The following ITPR2 variants were observed in gnomAD, a reference collection of about 807,000 sequenced individuals.
ITPR2 encodes inositol 1,4,5-trisphosphate receptor type 2.
A neutral mutation model predicts 317.1 loss-of-function variants in ITPR2; 207 were observed. The ratio of observed to expected loss-of-function variants is 0.65; its 90% CI spans 0.58 to 0.73. The LOEUF is 0.73. ITPR2 is among the 30% of genes least tolerant of loss of function. The pLI is 0.00. For missense variants in ITPR2, 2,613 were observed against 3,284.0 expected, an observed-to-expected ratio of 0.80 and a Z score of 4.99; for synonymous variants, 1,156 against 1,149.1, an observed-to-expected ratio of 1.01 and a Z score of -0.12.
intron 26 of ITPR2, among the ~76,000 whole-genome samples, chr12:26,607,534 T>C (rs1413716371): frequency 6.6e-6 from 1 of 152,124 alleles, no homozygotes; most frequent in Non-Finnish European, 1.5e-5. Context: ...TGACCTTGCC[T>C]GGAAAGCTAC....
chr12:26,659,989 A>G (rs1020579508), intron 15 of ITPR2, among the ~76,000 whole-genome samples: 2 of 152,254 alleles, frequency 1.3e-5, no homozygotes, highest in Non-Finnish European at 2.9e-5. Context: ...CATTTGCCCA[A>G]TAAATGTTTC....
chr12:26,616,785 C>T lies in ITPR2; in HGVS notation c.3462+4338G>A, dbSNP rs141089465. Among the ~76,000 whole-genome samples, 202 of 152,180 alleles carry T rather than the reference C, an allele frequency of 1.3e-3. 1 individual carries two copies. In the East Asian group the frequency reaches 0.034, roughly 26 times the overall value. ...CACTTATACACAGATTTTCTTTTAC[C>T]TCTGCCCCCCTTCAGACAGCAAGAC... is the stretch of plus-strand genomic sequence containing the variant. On this transcript the variant is annotated intron_variant, in intron 26 of 56. Transcript: ENST00000381340.
At chr12:26,787,979 C>T (rs1013702339) in intron 2 of ITPR2, among the ~76,000 whole-genome samples, 49 of 139,060 alleles carry the variant, frequency 3.5e-4, no homozygotes, top group Non-Finnish European at 5.4e-4. Context: ...GGTTGGAGTG[C>T]AATGGCGCGA....
chr12:26,688,724 G>C (rs143150620), intron 10 of ITPR2, among the ~76,000 whole-genome samples: 35 of 152,140 alleles, frequency 2.3e-4, no homozygotes, highest in African/African-American at 8.4e-4. Context: ...CTTAAATACT[G>C]TATGAGTCAC....
chr12:26,444,266 G>T (rs1179654887), intron 45 of ITPR2, among the ~76,000 whole-genome samples: 2 of 152,094 alleles, frequency 1.3e-5, no homozygotes, highest in Non-Finnish European at 2.9e-5. Flanking sequence ...TCTCCCATTT[G>T]AATGTCTACA....
chr12:26,789,812 C>T (rs1950312928), intron 2 of ITPR2, among the ~76,000 whole-genome samples: 1 of 152,194 alleles, frequency 6.6e-6, no homozygotes. Context: ...AAAAATCTAA[C>T]AATGCAACAC....
chr12:26,683,810 T>C (rs1565690623), intron 11 of ITPR2, among the ~76,000 whole-genome samples: 1 of 152,242 alleles, frequency 6.6e-6, no homozygotes, highest in African/African-American at 2.4e-5. Flanking sequence ...CCGTTTTTAG[T>C]AAATCTTTTA....
chr12:26,565,448 A>G (rs1944924637), intron 34 of ITPR2, among the ~76,000 whole-genome samples: 1 of 144,460 alleles, frequency 6.9e-6, no homozygotes, highest in Admixed American at 6.9e-5. Context: ...ATAGGAAGGA[A>G]GGGATAAAAA....
chr12:26,659,262 A>G lies in ITPR2; in HGVS notation c.1737T>C (p.Cys579=). The change falls in exon 16 of 57, where the codon TGT becomes TGC. Residue 579 remains cysteine, a synonymous_variant. Transcript: ENST00000381340. ...CATAGCCAATCTGGGACTGCATGACACAGAAATTCTTAGCAATATATTCCT... is the reference window on the plus strand; with the variant it reads ...CATAGCCAATCTGGGACTGCATGACGCAGAAATTCTTAGCAATATATTCCT... The part of the protein sequence containing the change: ...KNQEYIAKNF[C]VMQSQIGYDI... 1 of 1,613,560 alleles carries G rather than the reference A, an allele frequency of 6.2e-7. No individual in the cohort carries two copies. Among genetic ancestry groups the G allele is most frequent in the Non-Finnish European group, 8.5e-7 (1 of 1,179,826 alleles).
chr12:26,359,937 C>G (rs566948315), intron 55 of ITPR2, among the ~76,000 whole-genome samples: 15 of 152,270 alleles, frequency 9.9e-5, no homozygotes, highest in African/African-American at 3.6e-4. Context: ...TCCCAAATAC[C>G]ACTTTCGCCT....
At chr12:26,416,697 C>T (rs1486875125) in intron 50 of ITPR2, among the ~76,000 whole-genome samples, 1 of 152,182 alleles carries the variant, frequency 6.6e-6, no homozygotes, top group Non-Finnish European at 1.5e-5. Context: ...CTGGAAGGAG[C>T]AGCCAGCTTT....
At chr12:26,388,863 C>A (rs927104869) in intron 54 of ITPR2, among the ~76,000 whole-genome samples, 2 of 152,162 alleles carry the variant, frequency 1.3e-5, no homozygotes, top group African/African-American at 2.4e-5. Context: ...AAATAAACTA[C>A]AATTTTCTTC....
At chr12:26,758,717 A>T (rs1462196720) in intron 2 of ITPR2, among the ~76,000 whole-genome samples, 1 of 152,188 alleles carries the variant, frequency 6.6e-6, no homozygotes, top group East Asian at 1.9e-4. Context: ...TACTTGCTGC[A>T]ACTTACATAC....
rs1166575034 is a variant in ITPR2 at position 26,661,130 on chromosome 12, T to C, written c.1714-1845A>G. Among the ~76,000 whole-genome samples, 9 of 151,948 alleles carry C rather than the reference T, an allele frequency of 5.9e-5. No homozygotes were observed. In the South Asian group the frequency reaches 1.7e-3, roughly 28 times the overall value. On this transcript the variant is annotated intron_variant, in intron 15 of 56. Coordinates refer to ENST00000381340, the MANE Select transcript of ITPR2 (RefSeq NM_002223.4). Reference sequence around the variant, plus strand: ...ACAGAAAGGGAAGAAAAATAAAATATAACCCTTAACAAATGCTGGGGATTC... The same window carrying C: ...ACAGAAAGGGAAGAAAAATAAAATACAACCCTTAACAAATGCTGGGGATTC...
chr12:26,355,112 T>C (rs544249046), intron 55 of ITPR2, among the ~76,000 whole-genome samples: 85 of 152,208 alleles, frequency 5.6e-4, no homozygotes, highest in Non-Finnish European at 1.2e-3. Flanking sequence ...CTCTAGGTGG[T>C]TGTGATGCAT....
At chr12:26,738,327 T>C (rs1297381296) in intron 2 of ITPR2, among the ~76,000 whole-genome samples, 1 of 152,008 alleles carries the variant, frequency 6.6e-6, no homozygotes, top group Non-Finnish European at 1.5e-5. Flanking sequence ...AGTAAAATAT[T>C]AAAGAATTGG....
chr12:26,492,139 T>C (rs1190790572), intron 39 of ITPR2, among the ~76,000 whole-genome samples: 3 of 151,896 alleles, frequency 2.0e-5, no homozygotes, highest in African/African-American at 7.3e-5. Flanking sequence ...GAGGGTGGTA[T>C]CCCAAGACCC....
At chr12:26,377,530 A>C (rs558490591) in intron 55 of ITPR2, among the ~76,000 whole-genome samples, 3 of 152,356 alleles carry the variant, frequency 2.0e-5, no homozygotes, top group African/African-American at 7.2e-5. Context: ...AAACAGAAAC[A>C]GCTTTCTTCC....
At chr12:26,513,597 C>T (rs1219056482) in intron 37 of ITPR2, among the ~76,000 whole-genome samples, 1 of 152,100 alleles carries the variant, frequency 6.6e-6, no homozygotes, top group East Asian at 1.9e-4. Flanking sequence ...AGCCATGAAG[C>T]TGCCATGAAA....
Sources: gnomAD v4.1 joint callset for allele counts (sites outside exome capture counted in the v4.1 genomes callset) on GRCh38, gnomAD v4.1.1 for gene constraint, MANE v1.5 for transcripts, NCBI Gene and HGNC (gene_info 2026-07-23, HGNC 2026-07-21) for gene names.